The following PDE11A variants were observed in gnomAD, a reference collection of about 807,000 sequenced individuals.
PDE11A encodes the protein dual 3',5'-cyclic-AMP and -GMP phosphodiesterase 11A.
PDE11A carries 100 observed loss-of-function variants against 100.5 expected under a neutral mutation model. The observed-to-expected ratio is 1.00, with a 90% CI of 0.85 to 1.18. The LOEUF (loss-of-function observed/expected upper bound fraction) is 1.18. Among genes scored for constraint, PDE11A ranks in the 50% most tolerant of loss-of-function variants. PDE11A has a pLI of 0.00. For missense variants in PDE11A, 1,141 were observed against 1,152.6 expected (o/e 0.99, Z 0.15); for synonymous variants, 381 against 420.8 (o/e 0.91, Z 1.16).
chr2:177,809,152 T>G (rs2082912731), intron 9 of PDE11A, among the ~76,000 whole-genome samples: 1 of 151,890 alleles, frequency 6.6e-6, no homozygotes, highest in South Asian at 2.1e-4. Context: ...GAGTTTCAGT[T>G]TGGGAAGATG....
At position 178,098,999 on chromosome 2, in the gene PDE11A, A is replaced by G. The variant is rs150044074; in HGVS notation, c.162+5303T>C. Among the ~76,000 whole-genome samples the G allele has an allele frequency of 1.7e-3, 258 of 152,362 alleles. 1 individual carries two copies. The highest frequency in any genetic ancestry group is 0.014 in the East Asian group (75 of 5,186). On this transcript the variant is annotated intron_variant, in intron 2 of 20. Coordinates refer to the PDE11A transcript ENST00000358450. ...ATTAGCATAGAATCCTGGAAAAATC[A>G]TGAATTAATTCAAACAATTTGTTTC... is the stretch of plus-strand genomic sequence containing the variant.
At chr2:177,978,978 G>A (rs2085841742) in intron 2 of PDE11A, among the ~76,000 whole-genome samples, 2 of 131,118 alleles carry the variant, frequency 1.5e-5, no homozygotes, top group African/African-American at 2.8e-5. Context: ...CCTAATGCTA[G>A]ATGACACATT....
chr2:178,041,000 C>T (rs954110696), intron 1 of PDE11A, among the ~76,000 whole-genome samples: 6 of 152,074 alleles, frequency 3.9e-5, no homozygotes, highest in African/African-American at 1.2e-4. Flanking sequence ...AGTGCAGTGG[C>T]TCAATCATAG....
chr2:177,693,580 TGGGAGAG>T (rs2081071017), intron 15 of PDE11A, among the ~76,000 whole-genome samples: 1 of 152,154 alleles, frequency 6.6e-6, no homozygotes, highest in South Asian at 2.1e-4. Context: ...AACTTTGCTT[TGGGAGAG>T]GACACAGGGG....
At chr2:177,688,090 T>C (rs1427564412) in intron 15 of PDE11A, 2 of 152,222 alleles carry the variant, frequency 1.3e-5, no homozygotes, top group Non-Finnish European at 2.9e-5. Context: ...GCATAAACCT[T>C]TGGGCCAGAT....
intron 18 of PDE11A, among the ~76,000 whole-genome samples, chr2:177,666,087 G>C (rs4110134): frequency 1.3e-5 from 2 of 152,036 alleles, no homozygotes; most frequent in Non-Finnish European, 2.9e-5. Context: ...CTTTTTTTCC[G>C]CACTCCCAGC....
At chr2:177,814,812 T>A (rs776940586) in intron 9 of PDE11A, among the ~76,000 whole-genome samples, 10 of 152,174 alleles carry the variant, frequency 6.6e-5, no homozygotes, top group Non-Finnish European at 8.8e-5. Flanking sequence ...ATGAGCATTT[T>A]CTAGGTAATG....
At chr2:178,011,639 C>A (rs1007792949) in intron 2 of PDE11A, among the ~76,000 whole-genome samples, 6 of 152,138 alleles carry the variant, frequency 3.9e-5, no homozygotes, top group African/African-American at 1.4e-4. Context: ...TAAACTGAGG[C>A]CTGACTGACA....
At chr2:178,046,689 T>C (rs1229979091) in intron 1 of PDE11A, among the ~76,000 whole-genome samples, 3 of 152,164 alleles carry the variant, frequency 2.0e-5, no homozygotes, top group Non-Finnish European at 4.4e-5. Flanking sequence ...AAAGCTGAGG[T>C]AGTCAGTTCA....
At chr2:177,848,349 A>C (rs924296774) in intron 5 of PDE11A, among the ~76,000 whole-genome samples, 15 of 152,216 alleles carry the variant, frequency 9.9e-5, no homozygotes, top group Admixed American at 8.5e-4. Context: ...ACTTCAGTGA[A>C]ACTTCCTTAA....
chr2:177,935,149 A>G (rs1186676099), intron 2 of PDE11A, among the ~76,000 whole-genome samples: 1 of 152,228 alleles, frequency 6.6e-6, no homozygotes, highest in Admixed American at 6.5e-5. Context: ...CACCAAAAGC[A>G]CACAAAATAT....
chr2:177,831,208 A>G (rs375430537), intron 6 of PDE11A, among the ~76,000 whole-genome samples: 1 of 152,226 alleles, frequency 6.6e-6, no homozygotes, highest in African/African-American at 2.4e-5. Context: ...GCAAACAACT[A>G]TGATTACTTG....
intron 6 of PDE11A, among the ~76,000 whole-genome samples, chr2:177,820,989 G>A: frequency 6.6e-6 from 1 of 151,852 alleles, no homozygotes; most frequent in Non-Finnish European, 1.5e-5. Flanking sequence ...GAGTGAAAGG[G>A]TCTTAGGGAG....
At chr2:177,998,026 A>T (rs957312840) in intron 2 of PDE11A, 1 of 1,254,846 alleles carries the variant, frequency 8.0e-7, no homozygotes, top group African/African-American at 1.5e-5. Flanking sequence ...AGTTTTAGAG[A>T]AGAAGGGTAC....
chr2:177,966,858 A>G (rs1003738469), intron 2 of PDE11A, among the ~76,000 whole-genome samples: 1 of 152,096 alleles, frequency 6.6e-6, no homozygotes, highest in Non-Finnish European at 1.5e-5. Flanking sequence ...ACAGAATGAC[A>G]CTGGCCTCAT....
At chr2:177,947,257 T>C (rs2085453966) in intron 2 of PDE11A, among the ~76,000 whole-genome samples, 1 of 132,618 alleles carries the variant, frequency 7.5e-6, no homozygotes, top group Non-Finnish European at 1.6e-5. Context: ...CCACCCCGTC[T>C]GGGAGGTGTG....
chr2:177,646,773 G>A lies in PDE11A; in HGVS notation c.2646+17093C>T, dbSNP rs965698013. Among the ~76,000 whole-genome samples the A allele has an allele frequency of 2.0e-5, 3 of 152,312 alleles. 1 individual carries two copies. Among genetic ancestry groups the A allele is most frequent in the South Asian group, 4.1e-4 (2 of 4,828 alleles). On this transcript the variant is annotated intron_variant, in intron 19 of 19. Coordinates refer to ENST00000286063, the MANE Select transcript of PDE11A (RefSeq NM_016953.4). ...AAAGAAGAAACACCACTTCCCAAAC[G>A]TTAGATGTAGTCTGTGCATCTTTTA...
rs541346373 is a variant in PDE11A, at chr2:177,705,734, A to T, written c.2154-4523T>A. Among the ~76,000 whole-genome samples, 5 of 152,344 alleles carry T rather than the reference A, an allele frequency of 3.3e-5. No individual in the cohort carries two copies. In the South Asian group the frequency reaches 1.0e-3, roughly 32 times the overall value. On this transcript the variant is annotated intron_variant, in intron 13 of 19. Transcript: ENST00000286063. Reference sequence around the variant, plus strand: ...GAAAACTATGAAAGGTAATTAGGAAATTGAGAGTTGTTGGGAGATGGTGAG... The same window carrying T: ...GAAAACTATGAAAGGTAATTAGGAATTTGAGAGTTGTTGGGAGATGGTGAG...
chr2:177,658,274 A>T (rs553162174), intron 19 of PDE11A, among the ~76,000 whole-genome samples: 2 of 152,316 alleles, frequency 1.3e-5, no homozygotes, highest in African/African-American at 4.8e-5. Context: ...GGAGTACTTT[A>T]ACCAGAAGAG....
Sources: gnomAD v4.1 joint callset for allele counts (sites outside exome capture counted in the v4.1 genomes callset) on GRCh38, gnomAD v4.1.1 for gene constraint, MANE v1.5 for transcripts, NCBI Gene and HGNC (gene_info 2026-07-23, HGNC 2026-07-21) for gene names.